The following MDGA2 variants were observed in gnomAD, a reference collection of about 807,000 sequenced individuals.
MDGA2 encodes the protein MAM domain-containing glycosylphosphatidylinositol anchor protein 2.
MDGA2 carries 40 observed loss-of-function variants against 117.8 expected under a neutral mutation model. That is an observed-to-expected ratio of 0.34 (90% confidence interval 0.26 to 0.44). MDGA2 has a LOEUF of 0.44. Ranked by LOEUF, MDGA2 falls within the 20% of genes least tolerant of loss-of-function variation. MDGA2 has a pLI of 1.00. For missense variants in MDGA2, 1,123 were observed against 1,250.6 expected, an observed-to-expected ratio of 0.90 and a Z score of 1.54; for synonymous variants, 452 against 439.0, an observed-to-expected ratio of 1.03 and a Z score of -0.37.
At chr14:46,965,808 A>C (rs1886005165) in intron 8 of MDGA2, among the ~76,000 whole-genome samples, 1 of 152,116 alleles carries the variant, frequency 6.6e-6, no homozygotes, top group Admixed American at 6.5e-5. Context: ...TGATAGAATC[A>C]GTTTTTTATG....
At position 47,594,286 on chromosome 14, in the gene MDGA2, A is replaced by C. The variant is rs1175205296; in HGVS notation, c.280+80231T>G. Among the ~76,000 whole-genome samples the C allele has an allele frequency of 3.3e-5, 5 of 152,144 alleles. No individual in the cohort carries two copies. The East Asian group carries it at 9.6e-4, about 29-fold the overall frequency. On this transcript the variant is annotated intron_variant, in intron 1 of 16. Coordinates refer to ENST00000399232, the MANE Select transcript of MDGA2 (RefSeq NM_001113498.3). Reference sequence around the variant, plus strand: ...GAACATGGTGAGGAGATGGAGATGAATATTTTCCTCTATTTTAACATATTT... The same window carrying C: ...GAACATGGTGAGGAGATGGAGATGACTATTTTCCTCTATTTTAACATATTT...
chr14:47,033,503 A>AT (rs1888734850), intron 8 of MDGA2, among the ~76,000 whole-genome samples: 1 of 152,086 alleles, frequency 6.6e-6, no homozygotes, highest in African/African-American at 2.4e-5. Flanking sequence ...AGGGTATCTC[A>AT]TTTTTTAGAA....
At chr14:47,134,946 T>C (rs1195854158) in intron 4 of MDGA2, among the ~76,000 whole-genome samples, 2 of 152,016 alleles carry the variant, frequency 1.3e-5, no homozygotes, top group African/African-American at 2.4e-5. Context: ...GTATATTTAA[T>C]AATAAAGTCT....
intron 8 of MDGA2, among the ~76,000 whole-genome samples, chr14:47,009,973 C>T (rs571468178): frequency 6.6e-6 from 1 of 152,116 alleles, no homozygotes; most frequent in Admixed American, 6.6e-5. Flanking sequence ...CCCCCCTTTC[C>T]CAACCTATTA....
intron 1 of MDGA2, among the ~76,000 whole-genome samples, chr14:47,405,709 T>G (rs1360199488): frequency 6.6e-6 from 1 of 152,136 alleles, no homozygotes; most frequent in African/African-American, 2.4e-5. Context: ...TGTCACATAA[T>G]TTTGCATAAT....
chr14:47,344,587 T>G (rs12586900), intron 1 of MDGA2, among the ~76,000 whole-genome samples: 41,586 of 151,954 alleles, frequency 0.27, 5,911 homozygotes, highest in African/African-American at 0.33. Flanking sequence ...TTATTTTCTT[T>G]GTTTTTGTTT....
chr14:47,093,967 A>C (rs1208929398), intron 6 of MDGA2, among the ~76,000 whole-genome samples: 1 of 151,970 alleles, frequency 6.6e-6, no homozygotes, highest in East Asian at 1.9e-4. Flanking sequence ...CCATGACACA[A>C]TTAATCTAAG....
intron 14 of MDGA2, among the ~76,000 whole-genome samples, chr14:46,862,392 ATTATT>A (rs1348689939): frequency 1.3e-5 from 2 of 149,204 alleles, no homozygotes; most frequent in Non-Finnish European, 3.0e-5. Context: ...TAGCCTGATT[ATTATT>A]TTAATATTAT....
intron 5 of MDGA2, among the ~76,000 whole-genome samples, chr14:47,099,862 T>C (rs1283432294): frequency 6.6e-6 from 1 of 152,036 alleles, no homozygotes; most frequent in Non-Finnish European, 1.5e-5. Flanking sequence ...TAATAGCTAG[T>C]ACAAAGGATG....
intron 2 of MDGA2, among the ~76,000 whole-genome samples, chr14:47,279,490 T>G (rs186166875): frequency 8.1e-4 from 124 of 152,256 alleles, no homozygotes; most frequent in Non-Finnish European, 1.4e-3. Context: ...TGTAAATATT[T>G]TATATATTCT....
At position 47,397,389 on chromosome 14, in the gene MDGA2, T is replaced by C. The variant is rs565918227; in HGVS notation, c.281-95839A>G. On this transcript the variant is annotated intron_variant, in intron 1 of 16. Coordinates refer to ENST00000399232, the MANE Select transcript of MDGA2 (RefSeq NM_001113498.3). ...GAAATACCTAATGTGGATGATGGGT[T>C]GATGGGTGCAGCAAACCACCATGGC... 9.9e-5 allele frequency among the ~76,000 whole-genome samples: 15 copies of C among 152,136 alleles called. No individual in the cohort carries two copies. The East Asian group carries it at 2.9e-3, about 29-fold the overall frequency.
chr14:47,258,046 A>T (rs558633860), intron 2 of MDGA2, among the ~76,000 whole-genome samples: 1 of 152,320 alleles, frequency 6.6e-6, no homozygotes, highest in East Asian at 1.9e-4. Context: ...TTCACTGAAA[A>T]ATATGAAAGC....
chr14:47,066,723 G>T (rs367951311), intron 6 of MDGA2, among the ~76,000 whole-genome samples: 94 of 151,556 alleles, frequency 6.2e-4, no homozygotes, highest in African/African-American at 2.1e-3. Flanking sequence ...TTGATAATCT[G>T]AAGATGGAAG....
chr14:47,401,887 C>A (rs561730731), intron 1 of MDGA2, among the ~76,000 whole-genome samples: 2 of 152,194 alleles, frequency 1.3e-5, no homozygotes, highest in Non-Finnish European at 2.9e-5. Flanking sequence ...TTAATACGGT[C>A]ATTCTCAAGG....
rs528934308 is a variant in MDGA2, at chr14:47,669,334, C to G, written c.280+5183G>C. The stretch of plus-strand genomic sequence containing the variant: ...AATTACTTTTGTGACATCTATTCAC[C>G]GGAATTATTTCATCTCTAAACTTTT... On this transcript the variant is annotated intron_variant, in intron 1 of 16. Coordinates refer to ENST00000399232, the MANE Select transcript of MDGA2 (RefSeq NM_001113498.3). Among the ~76,000 whole-genome samples the G allele has an allele frequency of 3.9e-5, 6 of 152,160 alleles. No homozygotes were observed. In the East Asian group the frequency reaches 1.2e-3, roughly 29 times the overall value.
Position 47,238,163 on chromosome 14 carries a change from C to T in MDGA2, c.421-19968G>A, listed in dbSNP as rs1025915089. Among the ~76,000 whole-genome samples, 7 of 152,312 alleles carry T rather than the reference C, an allele frequency of 4.6e-5. No individual in the cohort carries two copies. In the East Asian group the frequency reaches 1.2e-3, roughly 25 times the overall value. Reference sequence around the variant, plus strand: ...TGTCATTTCATTGGAGTAGGCTTCCCTGAACACTCTATTAAAAATAGCAGT... The same window carrying T: ...TGTCATTTCATTGGAGTAGGCTTCCTTGAACACTCTATTAAAAATAGCAGT... On this transcript the variant is annotated intron_variant, in intron 2 of 16. Transcript: ENST00000399232.
intron 1 of MDGA2, among the ~76,000 whole-genome samples, chr14:47,342,256 T>TTATATATATATATATATATA (rs10536485): frequency 2.2e-5 from 3 of 134,070 alleles, no homozygotes; most frequent in African/African-American, 7.9e-5. Context: ...CACAAAATGT[T>TTATATATATATATATATATA]TATATATATA....
chr14:47,095,618 C>T (rs1037198186), intron 6 of MDGA2, among the ~76,000 whole-genome samples: 7 of 151,624 alleles, frequency 4.6e-5, no homozygotes, highest in South Asian at 2.1e-4. Context: ...ATAAAATAAT[C>T]ATACATGTTA....
chr14:47,289,618 A>G (rs532665791), intron 2 of MDGA2, among the ~76,000 whole-genome samples: 1 of 152,228 alleles, frequency 6.6e-6, no homozygotes, highest in Non-Finnish European at 1.5e-5. Context: ...CATTAAAAAA[A>G]TTACAACTGT....
Sources: allele counts gnomAD v4.1 joint callset (sites outside exome capture counted in the v4.1 genomes callset), GRCh38; gene constraint gnomAD v4.1.1; transcripts MANE v1.5; gene names NCBI Gene and HGNC (gene_info 2026-07-23, HGNC 2026-07-21).